MC2R: variants seen among roughly 807,000 people sequenced by gnomAD.
MC2R encodes the protein melanocortin 2 receptor.
In MC2R, 9 loss-of-function variants were observed where a neutral mutation model predicts 9.8. The observed-to-expected ratio is 0.92, with a 90% CI of 0.55 to 1.60. The LOEUF (loss-of-function observed/expected upper bound fraction) is 1.60. Ranked by LOEUF, MC2R falls within the 40% of genes most tolerant of loss-of-function variation. The pLI is 0.00. For missense variants in MC2R, 370 were observed against 389.0 expected (o/e 0.95, Z 0.41); for synonymous variants, 185 against 154.7 (o/e 1.20, Z -1.45).
chr18:13,902,300 C>G (rs2045384971), intron 1 of MC2R, among the ~76,000 whole-genome samples: 2 of 151,954 alleles, frequency 1.3e-5, no homozygotes. Context: ...CAATCCCTAT[C>G]AAAATATTAA....
chr18:13,906,917 A>T (rs2045417672), intron 1 of MC2R, among the ~76,000 whole-genome samples: 1 of 152,262 alleles, frequency 6.6e-6, no homozygotes, highest in Non-Finnish European at 1.5e-5. Flanking sequence ...CATGGGTTGG[A>T]ATAATTAATA....
Position 13,885,045 on chromosome 18 carries a change from G to A in MC2R, c.474C>T (p.Cys158=), listed in dbSNP as rs1435954911. The A allele has an allele frequency of 1.2e-6, 2 of 1,614,190 alleles. No homozygotes were observed. The highest frequency in any genetic ancestry group is 2.7e-5 in the African/African-American group (2 of 75,036). ...VVVLTVIWTF[C]TGTGITMVIF... ...TCACCATGGTGATGCCAGTCCCCGT[G>A]CAGAACGTCCAGATGACCGTAAGCA... The change falls in exon 2 of 2, where the codon TGC becomes TGT. Residue 158 remains cysteine, a synonymous_variant. Coordinates refer to ENST00000327606, the MANE Select transcript of MC2R (RefSeq NM_000529.2).
At chr18:13,896,435 A>G (rs957666470) in intron 1 of MC2R, among the ~76,000 whole-genome samples, 1 of 152,252 alleles carries the variant, frequency 6.6e-6, no homozygotes, top group African/African-American at 2.4e-5. Context: ...GAAAGAATAT[A>G]GAAGTACAAT....
rs534679221 is a variant in MC2R, at chr18:13,901,163, T to C, written c.-129+14325A>G. On this transcript the variant is annotated intron_variant, in intron 1 of 1. Transcript: ENST00000327606. Reference sequence around the variant, plus strand: ...CCTGAATGACCAGTGAATGAAGAAATTAAATAAATTGAAAAATTTTATTGA... The same window carrying C: ...CCTGAATGACCAGTGAATGAAGAAACTAAATAAATTGAAAAATTTTATTGA... Among the ~76,000 whole-genome samples, 4 of 152,012 alleles carry C rather than the reference T, an allele frequency of 2.6e-5. No homozygotes were observed. In the South Asian group the frequency reaches 8.3e-4, roughly 32 times the overall value.
intron 1 of MC2R, among the ~76,000 whole-genome samples, chr18:13,905,421 G>A (rs2045407453): frequency 6.6e-6 from 1 of 151,900 alleles, no homozygotes. Flanking sequence ...GGGAGGCAGA[G>A]GTTGCACTGA....
chr18:13,901,175 A>C (rs1344578245), intron 1 of MC2R, among the ~76,000 whole-genome samples: 1 of 152,122 alleles, frequency 6.6e-6, no homozygotes, highest in Admixed American at 6.6e-5. Context: ...AAATAAATTG[A>C]AAAATTTTAT....
In MC2R at chr18:13,884,616, T is replaced by C. The variant is rs768648102; in HGVS notation, c.*9A>G. On this transcript the variant is annotated 3_prime_UTR_variant, in exon 2 of 2. Coordinates refer to ENST00000327606, the MANE Select transcript of MC2R (RefSeq NM_000529.2). ...TTCCCATGGATTCTAAAACCAGGGA[T>C]CAGCCATTCTACCAGTACCTGCTGC... 6.2e-7 allele frequency: 1 copy of C among 1,611,424 alleles called. No homozygotes were observed. Among genetic ancestry groups the C allele is most frequent in the Non-Finnish European group, 8.5e-7 (1 of 1,179,996 alleles).
intron 1 of MC2R, among the ~76,000 whole-genome samples, chr18:13,911,279 T>C (rs571813913): frequency 6.6e-6 from 1 of 152,330 alleles, no homozygotes; most frequent in East Asian, 1.9e-4. Context: ...GCTCCCTTTT[T>C]ATTAGATAAA....
In MC2R at chr18:13,882,439, T is replaced by C. The variant is rs2045238088; in HGVS notation, c.*2186A>G. The C allele has an allele frequency of 6.6e-6, 1 of 152,246 alleles. No homozygotes were observed. Among genetic ancestry groups the C allele is most frequent in the Non-Finnish European group, 1.5e-5 (1 of 68,044 alleles). The allele number at this position is 152,246 out of a possible 1,614,324, so 9.4% of individuals were successfully genotyped here. A position where few individuals can be genotyped will look rare whatever the true frequency, so the allele number is the denominator to read the frequency against. On this transcript the variant is annotated 3_prime_UTR_variant, in exon 2 of 2. Coordinates refer to ENST00000327606, the MANE Select transcript of MC2R (RefSeq NM_000529.2). ...AATTAGCACTCAGACTTCATTTTTG[T>C]TTCATCCACCATTAGACTAGCCATC...
intron 1 of MC2R, among the ~76,000 whole-genome samples, chr18:13,909,975 G>A (rs1598469568): frequency 6.6e-6 from 1 of 152,124 alleles, no homozygotes; most frequent in Non-Finnish European, 1.5e-5. Flanking sequence ...TGCTTTTCAT[G>A]TTATATCTAA....
chr18:13,895,188 T>A (rs2149138540), intron 1 of MC2R, among the ~76,000 whole-genome samples: 1 of 152,290 alleles, frequency 6.6e-6, no homozygotes, highest in South Asian at 2.1e-4. Context: ...TCTAAACAAA[T>A]ATGTTTGGGG....
Position 13,883,779 on chromosome 18 carries a change from T to C in MC2R, c.*846A>G, listed in dbSNP as rs2045253571. The C allele has an allele frequency of 6.6e-6, 1 of 152,258 alleles. No homozygotes were observed. Among genetic ancestry groups the C allele is most frequent in the Non-Finnish European group, 1.5e-5 (1 of 68,064 alleles). The allele number at this position is 152,258 out of a possible 1,614,324, so 9.4% of individuals were successfully genotyped here. A position where few individuals can be genotyped will look rare whatever the true frequency, so the allele number is the denominator to read the frequency against. Reference sequence around the variant, plus strand: ...TCTTCAAATAGTGACAATTTTCATCTGGCCTTTATGTATTCCCACATGGGA... The same window carrying C: ...TCTTCAAATAGTGACAATTTTCATCCGGCCTTTATGTATTCCCACATGGGA... On this transcript the variant is annotated 3_prime_UTR_variant, in exon 2 of 2. Transcript: ENST00000327606.
chr18:13,890,542 G>T (rs904978990), intron 1 of MC2R, among the ~76,000 whole-genome samples: 3 of 152,142 alleles, frequency 2.0e-5, no homozygotes, highest in Non-Finnish European at 4.4e-5. Flanking sequence ...TGATCTGCAC[G>T]TGTCGGGGTG....
chr18:13,899,048 A>T (rs543383962), intron 1 of MC2R, among the ~76,000 whole-genome samples: 99 of 152,362 alleles, frequency 6.5e-4, no homozygotes, highest in African/African-American at 2.3e-3. Flanking sequence ...GGAGAAAAAG[A>T]GATATATGAC....
intron 1 of MC2R, among the ~76,000 whole-genome samples, chr18:13,907,500 A>G (rs958545431): frequency 2.6e-5 from 4 of 152,256 alleles, no homozygotes; most frequent in Non-Finnish European, 4.4e-5. Context: ...AGCATAAGCA[A>G]CAAAAGCAAA....
At chr18:13,901,324 T>C (rs2045378708) in intron 1 of MC2R, among the ~76,000 whole-genome samples, 1 of 151,522 alleles carries the variant, frequency 6.6e-6, no homozygotes, top group Middle Eastern at 3.4e-3. Context: ...TAATGATGCA[T>C]CTCAAAAAAA....
chr18:13,882,163 A>G lies in MC2R; in HGVS notation c.*2462T>C, dbSNP rs1402526167. 6.6e-6 allele frequency: 1 copy of G among 152,264 alleles called. No individual in the cohort carries two copies. The highest frequency in any genetic ancestry group is 1.5e-5 in the Non-Finnish European group (1 of 68,048). 9.4% of individuals were successfully genotyped at this position (152,264 alleles called of 1,614,324 possible). On this transcript the variant is annotated 3_prime_UTR_variant, in exon 2 of 2. Coordinates refer to ENST00000327606, the MANE Select transcript of MC2R (RefSeq NM_000529.2). ...ATCGATAAAGCTGAACACTCACAGT[A>G]TCCACACAGCAGTTTAAAAATTGGG...
rs139119380 is a variant in MC2R, at chr18:13,905,267, C to A, written c.-129+10221G>T. Among the ~76,000 whole-genome samples, 79 of 152,210 alleles carry A rather than the reference C, an allele frequency of 5.2e-4. 3 individuals are homozygous for A. Among genetic ancestry groups the A allele is most frequent in the East Asian group, 1.9e-3 (10 of 5,186 alleles). ...CAAAAGAAGACATTTATGCGGCCAACAAACAAATGAAAAAAAGCTACCATC... is the reference window on the plus strand; with the variant it reads ...CAAAAGAAGACATTTATGCGGCCAAAAAACAAATGAAAAAAAGCTACCATC... On this transcript the variant is annotated intron_variant, in intron 1 of 1. Transcript: ENST00000327606.
intron 1 of MC2R, among the ~76,000 whole-genome samples, chr18:13,911,741 G>C (rs967648349): frequency 3.3e-5 from 5 of 152,178 alleles, no homozygotes; most frequent in Non-Finnish European, 7.4e-5. Flanking sequence ...GGAGATTGGG[G>C]CATATGAGGA....
Sources: gnomAD v4.1 joint callset for allele counts (sites outside exome capture counted in the v4.1 genomes callset) on GRCh38, gnomAD v4.1.1 for gene constraint, MANE v1.5 for transcripts, NCBI Gene and HGNC (gene_info 2026-07-23, HGNC 2026-07-21) for gene names.